Variants in NALF1 observed in about 807,000 individuals in gnomAD.
The protein encoded by NALF1 is NALCN channel auxiliary factor 1.
A neutral mutation model predicts 48.4 loss-of-function variants in NALF1; 3 were observed. The observed-to-expected ratio is 0.06, with a 90% CI of 0.03 to 0.16. The LOEUF is 0.16. NALF1 is among the 10% of genes least tolerant of loss of function. NALF1 has a pLI of 1.00. For synonymous variants in NALF1, 262 were observed against 245.7 expected (o/e 1.07, Z -0.62); for missense variants, 526 against 571.5 (o/e 0.92, Z 0.81).
At chr13:107,643,962 ATTTT>A (rs35582790) in intron 1 of NALF1, among the ~76,000 whole-genome samples, 3 of 138,092 alleles carry the variant, frequency 2.2e-5, no homozygotes. Flanking sequence ...GTTTCAGATG[ATTTT>A]TTTTTTTTTT....
At chr13:107,377,321 C>A (rs1001718373) in intron 1 of NALF1, among the ~76,000 whole-genome samples, 1 of 152,220 alleles carries the variant, frequency 6.6e-6, no homozygotes, top group Non-Finnish European at 1.5e-5. Context: ...CTGGAGGCAG[C>A]TCTGTGTCTA....
At chr13:107,177,680 C>T (rs567128828) in intron 2 of NALF1, among the ~76,000 whole-genome samples, 2 of 152,276 alleles carry the variant, frequency 1.3e-5, no homozygotes, top group African/African-American at 4.8e-5. Context: ...GCCAGGAAAA[C>T]TAGATATCCA....
intron 1 of NALF1, among the ~76,000 whole-genome samples, chr13:107,730,673 TA>T (rs544025048): frequency 6.6e-6 from 1 of 152,150 alleles, no homozygotes; most frequent in African/African-American, 2.4e-5. Context: ...TACTTTTCAA[TA>T]AAAAAAGTCA....
rs181520896 is a variant in NALF1, at chr13:107,702,250, T to C, written c.915+163432A>G. ...AAACTTTCAGGACTTCTGGTTTCACTCTGTAAAAAAAAAGTTATAAGTAGC... is the reference window on the plus strand; with the variant it reads ...AAACTTTCAGGACTTCTGGTTTCACCCTGTAAAAAAAAAGTTATAAGTAGC... On this transcript the variant is annotated intron_variant, in intron 1 of 2. Coordinates refer to ENST00000375915, the MANE Select transcript of NALF1 (RefSeq NM_001080396.3). 2.6e-4 allele frequency among the ~76,000 whole-genome samples: 35 copies of C among 133,368 alleles called. No individual in the cohort carries two copies. The East Asian group carries it at 6.0e-3, about 23-fold the overall frequency. 87.5% of individuals were successfully genotyped at this position (133,368 alleles called of 152,430 possible). A position where few individuals can be genotyped will look rare whatever the true frequency, so the allele number is the denominator to read the frequency against.
chr13:107,618,062 T>C (rs1486407584), intron 1 of NALF1, among the ~76,000 whole-genome samples: 1 of 151,982 alleles, frequency 6.6e-6, no homozygotes, highest in Non-Finnish European at 1.5e-5. Context: ...AGAACACAAA[T>C]GCATTTAAAG....
chr13:107,576,260 T>C (rs770401133), intron 1 of NALF1, among the ~76,000 whole-genome samples: 4 of 152,202 alleles, frequency 2.6e-5, no homozygotes, highest in Non-Finnish European at 5.9e-5. Flanking sequence ...AGGATAACCA[T>C]TGAATTGCTA....
intron 1 of NALF1, among the ~76,000 whole-genome samples, chr13:107,752,410 A>G (rs1422741440): frequency 6.6e-6 from 1 of 152,186 alleles, no homozygotes; most frequent in Non-Finnish European, 1.5e-5. Flanking sequence ...CATATATTGT[A>G]TAATAAATAT....
At chr13:107,688,562 A>C (rs1247364741) in intron 1 of NALF1, among the ~76,000 whole-genome samples, 4 of 152,246 alleles carry the variant, frequency 2.6e-5, no homozygotes, top group African/African-American at 9.6e-5. Flanking sequence ...TTAGAACTTA[A>C]CAGGAAAAAG....
intron 1 of NALF1, among the ~76,000 whole-genome samples, chr13:107,400,758 T>C (rs1366512048): frequency 1.3e-5 from 2 of 152,140 alleles, no homozygotes; most frequent in African/African-American, 4.8e-5. Context: ...TACCTCATGT[T>C]TAACCTGCAT....
chr13:107,526,624 C>T (rs1352865474), intron 1 of NALF1, among the ~76,000 whole-genome samples: 1 of 152,068 alleles, frequency 6.6e-6, no homozygotes, highest in Non-Finnish European at 1.5e-5. Flanking sequence ...GGGACTCTAA[C>T]AGAGTGTTAG....
intron 1 of NALF1, among the ~76,000 whole-genome samples, chr13:107,698,161 A>C (rs112038564): frequency 2.8e-4 from 43 of 152,164 alleles, no homozygotes; most frequent in African/African-American, 9.6e-4. Flanking sequence ...AATTTATCTT[A>C]ATTTGTTTAA....
intron 1 of NALF1, among the ~76,000 whole-genome samples, chr13:107,644,126 T>C (rs1363937893): frequency 6.7e-6 from 1 of 150,300 alleles, no homozygotes; most frequent in African/African-American, 2.5e-5. Flanking sequence ...ATAAACCTAA[T>C]ACCATAAAAT....
intron 1 of NALF1, among the ~76,000 whole-genome samples, chr13:107,544,001 G>T (rs1877067907): frequency 6.6e-6 from 1 of 151,970 alleles, no homozygotes; most frequent in Admixed American, 6.6e-5. Flanking sequence ...ATCTACCTGT[G>T]GAGTAGGGGT....
At chr13:107,495,112 A>G (rs1413776441) in intron 1 of NALF1, among the ~76,000 whole-genome samples, 1 of 152,238 alleles carries the variant, frequency 6.6e-6, no homozygotes, top group Non-Finnish European at 1.5e-5. Flanking sequence ...AAGTTAAGTC[A>G]CATTTCCTGC....
chr13:107,784,933 A>G (rs1407010064), intron 1 of NALF1, among the ~76,000 whole-genome samples: 1 of 152,154 alleles, frequency 6.6e-6, no homozygotes, highest in Non-Finnish European at 1.5e-5. Flanking sequence ...CCATTATATG[A>G]AAAAGATACT....
At chr13:107,721,437 T>C (rs1875983941) in intron 1 of NALF1, among the ~76,000 whole-genome samples, 1 of 152,150 alleles carries the variant, frequency 6.6e-6, no homozygotes, top group Admixed American at 6.5e-5. Context: ...CAGATGGATT[T>C]TCAATGCTAA....
At chr13:107,544,725 C>A (rs1044959783) in intron 1 of NALF1, among the ~76,000 whole-genome samples, 1 of 152,138 alleles carries the variant, frequency 6.6e-6, no homozygotes, top group African/African-American at 2.4e-5. Context: ...ATTATTGACA[C>A]CAACTAATGC....
At chr13:107,281,761 T>C (rs1881392226) in intron 1 of NALF1, among the ~76,000 whole-genome samples, 1 of 152,084 alleles carries the variant, frequency 6.6e-6, no homozygotes, top group African/African-American at 2.4e-5. Flanking sequence ...CTCAGGAAAC[T>C]TACAATCATG....
intron 1 of NALF1, among the ~76,000 whole-genome samples, chr13:107,343,102 C>A (rs1882711722): frequency 6.6e-6 from 1 of 152,160 alleles, no homozygotes; most frequent in Non-Finnish European, 1.5e-5. Flanking sequence ...CAGAGAATGT[C>A]TCCCAGGATA....
Sources: gnomAD v4.1 joint callset for allele counts (sites outside exome capture counted in the v4.1 genomes callset) on GRCh38, gnomAD v4.1.1 for gene constraint, MANE v1.5 for transcripts, NCBI Gene and HGNC (gene_info 2026-07-23, HGNC 2026-07-21) for gene names.